KIF26B: variants seen among roughly 807,000 people sequenced by gnomAD.
The protein encoded by KIF26B is kinesin-like protein KIF26B.
A neutral mutation model predicts 151.2 loss-of-function variants in KIF26B; 63 were observed. The ratio of observed to expected loss-of-function variants is 0.42; its 90% CI spans 0.34 to 0.51. The LOEUF is 0.51. Ranked by LOEUF, KIF26B falls within the 20% of genes least tolerant of loss-of-function variation. The pLI, the probability that KIF26B is intolerant of heterozygous loss-of-function variation, is 0.07. For synonymous variants in KIF26B, 1,357 were observed against 1,262.1 expected (o/e 1.08, Z -1.59); for missense variants, 2,813 against 2,913.6 (o/e 0.97, Z 0.79).
In KIF26B at chr1:245,654,589, C is replaced by T. The variant is rs569694107; in HGVS notation, c.2258+8309C>T. On this transcript the variant is annotated intron_variant, in intron 10 of 14. Transcript: ENST00000407071. ...TGACAGTTCATGGAGCCACTTCCCA[C>T]GCCGCACTGATGGGAGAAACTGCAG... Among the ~76,000 whole-genome samples the T allele has an allele frequency of 4.0e-4, 61 of 152,306 alleles. 1 individual carries two copies. Among genetic ancestry groups the T allele is most frequent in the Non-Finnish European group, 6.6e-4 (45 of 68,028 alleles).
chr1:245,379,191 A>G (rs1673344589), intron 3 of KIF26B, among the ~76,000 whole-genome samples: 2 of 152,316 alleles, frequency 1.3e-5, no homozygotes, highest in Non-Finnish European at 1.5e-5. Context: ...CAAAAAATCA[A>G]CTTTCCATAT....
In KIF26B at chr1:245,686,533, G is replaced by T; in HGVS notation, c.3550G>T (p.Gly1184Cys). ...VTVQQPLELN[G>C]EDELVFTLVE... is the part of the protein sequence containing the mutation. Reference sequence around the variant, plus strand: ...GGTGCAGCAGCCACTGGAGCTGAACGGTGAGGACGAGCTGGTGTTCACGCT... The same window carrying T: ...GGTGCAGCAGCCACTGGAGCTGAACTGTGAGGACGAGCTGGTGTTCACGCT... The change falls in exon 12 of 15, where the codon GGT (glycine) becomes TGT (cysteine). Residue 1184 changes from glycine to cysteine, a missense_variant. Transcript: ENST00000407071. This position sits in a 1 kb window ranked among gnomAD's most constrained non-coding sequence, Gnocchi z 5.6. The T allele has an allele frequency of 6.2e-7, 1 of 1,613,126 alleles. No individual in the cohort carries two copies. Among genetic ancestry groups the T allele is most frequent in the East Asian group, 2.2e-5 (1 of 44,866 alleles).
intron 10 of KIF26B, among the ~76,000 whole-genome samples, 176 bp downstream of exon 10, chr1:245,646,456 A>G (rs964474347): frequency 2.6e-5 from 4 of 152,160 alleles, no homozygotes; most frequent in Non-Finnish European, 5.9e-5. Context: ...CCCAAATTCA[A>G]AACTTTTGGA....
chr1:245,561,481 A>G (rs2042950395), intron 5 of KIF26B, among the ~76,000 whole-genome samples: 1 of 152,194 alleles, frequency 6.6e-6, no homozygotes, highest in Non-Finnish European at 1.5e-5. Flanking sequence ...TCTTACCTGT[A>G]ATTCTGACTC....
At chr1:245,404,256 G>A (rs906591575) in intron 3 of KIF26B, among the ~76,000 whole-genome samples, 2 of 150,882 alleles carry the variant, frequency 1.3e-5, no homozygotes, top group African/African-American at 4.9e-5. Flanking sequence ...CTCAGGATTA[G>A]ATGAATAGCT....
At chr1:245,256,426 G>C (rs903354346) in intron 2 of KIF26B, among the ~76,000 whole-genome samples, 2 of 152,170 alleles carry the variant, frequency 1.3e-5, no homozygotes, top group Admixed American at 6.5e-5. Context: ...CAGCCCCATC[G>C]TCCGGATGAG....
chr1:245,238,719 G>A (rs1670158489), intron 2 of KIF26B, among the ~76,000 whole-genome samples: 1 of 152,018 alleles, frequency 6.6e-6, no homozygotes, highest in Non-Finnish European at 1.5e-5. Context: ...AAATTTAGCT[G>A]GGTGTAGTGG....
In KIF26B at chr1:245,496,697, C is replaced by T. The variant is rs560233223; in HGVS notation, c.1167-44070C>T. ...TGGTAGCTATAAACTCAAGTATATC[C>T]GTAATTGAGTTACATGAAAATTGAC... On this transcript the variant is annotated intron_variant, in intron 4 of 14. Transcript: ENST00000407071. Among the ~76,000 whole-genome samples, 10 of 151,954 alleles carry T rather than the reference C, an allele frequency of 6.6e-5. No individual in the cohort carries two copies. The East Asian group carries it at 9.7e-4, about 15-fold the overall frequency.
intron 10 of KIF26B, among the ~76,000 whole-genome samples, chr1:245,655,764 G>T (rs536471984): frequency 6.6e-6 from 1 of 152,342 alleles, no homozygotes; most frequent in African/African-American, 2.4e-5. Flanking sequence ...TGCACAGCCG[G>T]AGAGGTGGTA....
At position 245,706,586 on chromosome 1, in the gene KIF26B, T is replaced by A. The variant is rs2044844399; in HGVS notation, c.*3980T>A. The A allele has an allele frequency of 6.6e-6, 1 of 152,262 alleles. No individual in the cohort carries two copies. The highest frequency in any genetic ancestry group is 1.5e-5 in the Non-Finnish European group (1 of 68,056). 9.4% of individuals were successfully genotyped at this position (152,262 alleles called of 1,614,324 possible). A position where few individuals can be genotyped will look rare whatever the true frequency, so the allele number is the denominator to read the frequency against. ...TCCTGCTGGACTAGTAACCCATTCTTGGAGCACACACAGAGTCCCTCGCTT... is the reference window on the plus strand; with the variant it reads ...TCCTGCTGGACTAGTAACCCATTCTAGGAGCACACACAGAGTCCCTCGCTT... On this transcript the variant is annotated 3_prime_UTR_variant, in exon 15 of 15. Transcript: ENST00000407071.
intron 5 of KIF26B, among the ~76,000 whole-genome samples, chr1:245,588,629 T>C (rs2043252725): frequency 6.6e-6 from 1 of 152,208 alleles, no homozygotes; most frequent in South Asian, 2.1e-4. Flanking sequence ...AGAATTAAAG[T>C]TGCTTTTGTT....
rs773890297 is a variant in KIF26B at position 245,375,329 on chromosome 1, A to C, written c.999+7962A>C. On this transcript the variant is annotated intron_variant, in intron 3 of 14. Coordinates refer to ENST00000407071, the MANE Select transcript of KIF26B (RefSeq NM_018012.4). The surrounding 1 kb of genome is among the most constrained non-coding windows in gnomAD (Gnocchi z 4.2). ...TGACCTCAGGTGATCTGCCTGCCTC[A>C]GCCTCCCAAAGTGCTGGGATTACAG... 1.3e-5 allele frequency among the ~76,000 whole-genome samples: 2 copies of C among 152,106 alleles called. No homozygotes were observed. Among genetic ancestry groups the C allele is most frequent in the Non-Finnish European group, 2.9e-5 (2 of 68,006 alleles).
At chr1:245,580,777 C>T (rs1056378686) in intron 5 of KIF26B, among the ~76,000 whole-genome samples, 2 of 152,226 alleles carry the variant, frequency 1.3e-5, no homozygotes, top group Non-Finnish European at 1.5e-5. Context: ...CCTGCCACCT[C>T]TCTTTGTCCT....
intron 2 of KIF26B, among the ~76,000 whole-genome samples, chr1:245,215,416 G>A (rs2103546061): frequency 6.6e-6 from 1 of 152,214 alleles, no homozygotes; most frequent in South Asian, 2.1e-4. Flanking sequence ...GCGTGAACAG[G>A]CCTCTCTGAG....
intron 2 of KIF26B, among the ~76,000 whole-genome samples, chr1:245,295,188 C>T (rs1041493587): frequency 6.6e-6 from 1 of 152,094 alleles, no homozygotes; most frequent in Non-Finnish European, 1.5e-5. Context: ...TTCAAACATT[C>T]GATATAACTT....
chr1:245,302,264 T>C (rs1671439212), intron 2 of KIF26B, among the ~76,000 whole-genome samples: 1 of 152,160 alleles, frequency 6.6e-6, no homozygotes, highest in South Asian at 2.1e-4. Context: ...GTCAGAAAAA[T>C]CTAATATATA....
At chr1:245,669,207 C>T (rs2147939513) in intron 10 of KIF26B, among the ~76,000 whole-genome samples, 1 of 152,306 alleles carries the variant, frequency 6.6e-6, no homozygotes, top group Admixed American at 6.5e-5. Context: ...GTATCTTTAA[C>T]ACAAAACAGC....
Position 245,218,288 on chromosome 1 carries a change from T to C in KIF26B, c.465+61605T>C, listed in dbSNP as rs1397033913. ...CCTTAGGGTCCCCTCAGCAGATGGA[T>C]CCCATCTCCTGGTCTGGTTAGCATA... is the stretch of plus-strand genomic sequence containing the variant. On this transcript the variant is annotated intron_variant, in intron 2 of 14. Coordinates refer to ENST00000407071, the MANE Select transcript of KIF26B (RefSeq NM_018012.4). The surrounding 1 kb of genome is among the most constrained non-coding windows in gnomAD (Gnocchi z 4.1). Among the ~76,000 whole-genome samples, 2 of 152,002 alleles carry C rather than the reference T, an allele frequency of 1.3e-5. No individual in the cohort carries two copies. The highest frequency in any genetic ancestry group is 2.9e-5 in the Non-Finnish European group (2 of 67,994).
At position 245,602,599 on chromosome 1, in the gene KIF26B, G is replaced by T. The variant is rs1224595070; in HGVS notation, c.1373G>T (p.Cys458Phe). The T allele has an allele frequency of 6.2e-7, 1 of 1,612,936 alleles. No individual in the cohort carries two copies. The highest frequency in any genetic ancestry group is 8.5e-7 in the Non-Finnish European group (1 of 1,179,412). Reference sequence around the variant, plus strand: ...CAGGTGAAAGTCATGCTTCGCATCTGTTCCACCTTGGCTCGAGATACTTCA... The same window carrying T: ...CAGGTGAAAGTCATGCTTCGCATCTTTTCCACCTTGGCTCGAGATACTTCA... ...LGKVKVMLRI[C>F]STLARDTSES... is the part of the protein sequence containing the mutation. The change falls in exon 6 of 15, where the codon TGT (cysteine) becomes TTT (phenylalanine). Residue 458 changes from cysteine to phenylalanine, a missense_variant. Coordinates refer to ENST00000407071, the MANE Select transcript of KIF26B (RefSeq NM_018012.4). This position sits in a 1 kb window ranked among gnomAD's most constrained non-coding sequence, Gnocchi z 4.5.
Sources: gnomAD v4.1 joint callset for allele counts (sites outside exome capture counted in the v4.1 genomes callset) on GRCh38, gnomAD v4.1.1 for gene constraint, Gnocchi (gnomAD v3.1) non-coding constraint, MANE v1.5 for transcripts, NCBI Gene and HGNC (gene_info 2026-07-23, HGNC 2026-07-21) for gene names.